Variants in TBX15 observed in about 807,000 individuals in gnomAD.
The protein encoded by TBX15 is T-box transcription factor 15.
In TBX15, 18 loss-of-function variants were observed where a neutral mutation model predicts 53.9. The ratio of observed to expected loss-of-function variants is 0.33; its 90% CI spans 0.23 to 0.49. The LOEUF (loss-of-function observed/expected upper bound fraction) is 0.49, where lower values mean the gene tolerates loss of function less well. Among genes scored for constraint, TBX15 ranks in the 20% least tolerant of loss-of-function variants. The pLI is 0.98. For missense variants in TBX15, 692 were observed against 749.5 expected, an observed-to-expected ratio of 0.92 and a Z score of 0.90; for synonymous variants, 295 against 278.0, an observed-to-expected ratio of 1.06 and a Z score of -0.61.
chr1:118,980,718 A>T (rs1657618391), intron 1 of TBX15, among the ~76,000 whole-genome samples: 1 of 152,224 alleles, frequency 6.6e-6, no homozygotes, highest in Admixed American at 6.5e-5. Flanking sequence ...CCCATCCAAA[A>T]TTAATACAAA....
Position 118,907,913 on chromosome 1 carries a change from A to G in TBX15, c.926+6202T>C, listed in dbSNP as rs527497388. ...GCTAGGTATCTTTCTCCAGGGAGCC[A>G]GAACACACAGACATGCCCCAGCTAC... is the stretch of plus-strand genomic sequence containing the variant. On this transcript the variant is annotated intron_variant, in intron 6 of 7. Transcript: ENST00000369429. Among the ~76,000 whole-genome samples, 8 of 152,304 alleles carry G rather than the reference A, an allele frequency of 5.3e-5. No homozygotes were observed. In the East Asian group the frequency reaches 1.5e-3, roughly 29 times the overall value.
At chr1:118,898,091 T>C (rs1451901670) in intron 7 of TBX15, among the ~76,000 whole-genome samples, 1 of 152,182 alleles carries the variant, frequency 6.6e-6, no homozygotes, top group East Asian at 1.9e-4. Context: ...ATTCTACTTT[T>C]CCAAATAATG....
intron 7 of TBX15, among the ~76,000 whole-genome samples, chr1:118,897,955 A>G (rs1237909939): frequency 2.0e-5 from 3 of 152,212 alleles, no homozygotes; most frequent in Admixed American, 6.5e-5. Flanking sequence ...AAGTGTCTAC[A>G]TACAGGGACA....
chr1:118,985,394 G>T (rs1475312196), intron 1 of TBX15, among the ~76,000 whole-genome samples: 1 of 152,188 alleles, frequency 6.6e-6, no homozygotes. Flanking sequence ...AGCCCTGGTC[G>T]CGCCTTTCGC....
chr1:118,983,075 G>A (rs1657699862), intron 1 of TBX15, among the ~76,000 whole-genome samples: 1 of 152,178 alleles, frequency 6.6e-6, no homozygotes. Context: ...AGGCGGGTGA[G>A]GGGTCGCCCT....
At chr1:118,984,118 G>C (rs1313470364) in intron 1 of TBX15, among the ~76,000 whole-genome samples, 1 of 152,256 alleles carries the variant, frequency 6.6e-6, no homozygotes, top group Non-Finnish European at 1.5e-5. Flanking sequence ...CGCGCTTTCT[G>C]CAAGGGCTTT....
intron 7 of TBX15, among the ~76,000 whole-genome samples, chr1:118,889,777 T>G (rs1654074110): frequency 6.7e-6 from 1 of 149,884 alleles, no homozygotes; most frequent in Non-Finnish European, 1.5e-5. Context: ...TGCTCATAAC[T>G]GTATCTGGCA....
intron 2 of TBX15, among the ~76,000 whole-genome samples, chr1:118,928,275 G>A (rs537640289): frequency 6.6e-6 from 1 of 152,246 alleles, no homozygotes; most frequent in East Asian, 1.9e-4. Context: ...CAAAATTAAT[G>A]CATAACTATT....
Position 118,964,624 on chromosome 1 carries a change from C to T in TBX15, c.205+22967G>A, listed in dbSNP as rs116324853. Among the ~76,000 whole-genome samples, 566 of 152,342 alleles carry T rather than the reference C, an allele frequency of 3.7e-3. 2 individuals are homozygous for T. Among genetic ancestry groups the T allele is most frequent in the African/African-American group, 0.013 (540 of 41,570 alleles). ...GCAGGGACTATTCCTTACTCATCTA[C>T]ATATTGTAAGTGTTCAATAAATAGT... On this transcript the variant is annotated intron_variant, in intron 1 of 7. Transcript: ENST00000369429.
intron 1 of TBX15, among the ~76,000 whole-genome samples, chr1:118,933,613 A>G (rs1298943594): frequency 1.3e-5 from 2 of 152,194 alleles, no homozygotes; most frequent in Non-Finnish European, 2.9e-5. Context: ...TTGCTGAGTG[A>G]CAAATCTATA....
At chr1:118,948,501 C>T (rs1656411750) in intron 1 of TBX15, among the ~76,000 whole-genome samples, 1 of 152,190 alleles carries the variant, frequency 6.6e-6, no homozygotes, top group Admixed American at 6.5e-5. Context: ...CCCAAAGAAA[C>T]CTCAGGTTTT....
chr1:118,903,606 C>A (rs1033846362), intron 6 of TBX15, among the ~76,000 whole-genome samples: 1 of 152,018 alleles, frequency 6.6e-6, no homozygotes, highest in African/African-American at 2.4e-5. Context: ...ACAAAGACAA[C>A]GTATGCTATA....
intron 7 of TBX15, among the ~76,000 whole-genome samples, chr1:118,896,565 T>C (rs1003194470): frequency 2.6e-5 from 4 of 152,138 alleles, no homozygotes; most frequent in African/African-American, 9.7e-5. Flanking sequence ...TGAGGTAATA[T>C]GGACAATTGG....
intron 2 of TBX15, among the ~76,000 whole-genome samples, chr1:118,930,129 ATTTAT>A (rs1655731957): frequency 6.6e-6 from 1 of 152,224 alleles, no homozygotes; most frequent in African/African-American, 2.4e-5. Context: ...AAAATTTCAG[ATTTAT>A]TTTAACTTCA....
chr1:118,895,239 G>A (rs577430624), intron 7 of TBX15, among the ~76,000 whole-genome samples: 3 of 152,250 alleles, frequency 2.0e-5, no homozygotes, highest in Admixed American at 6.5e-5. Context: ...TACTGAACTC[G>A]GTAGTGATGT....
chr1:118,889,869 C>T (rs1234366711), intron 7 of TBX15, among the ~76,000 whole-genome samples: 1 of 152,112 alleles, frequency 6.6e-6, no homozygotes, highest in Admixed American at 6.5e-5. Flanking sequence ...AACTCCTGGG[C>T]TCAAGAAATC....
chr1:118,974,721 A>G (rs1657362883), intron 1 of TBX15, among the ~76,000 whole-genome samples: 1 of 152,166 alleles, frequency 6.6e-6, no homozygotes, highest in South Asian at 2.1e-4. Context: ...AAACAAGGCT[A>G]CTCTAAATAG....
chr1:118,889,930 C>T (rs1654080526), intron 7 of TBX15, among the ~76,000 whole-genome samples: 1 of 152,124 alleles, frequency 6.6e-6, no homozygotes, highest in African/African-American at 2.4e-5. Context: ...GCCACTGCAC[C>T]TAGCCCAGCA....
At chr1:118,978,784 T>C (rs1031822991) in intron 1 of TBX15, among the ~76,000 whole-genome samples, 1 of 152,228 alleles carries the variant, frequency 6.6e-6, no homozygotes, top group African/African-American at 2.4e-5. Flanking sequence ...TTTAATTTTT[T>C]AACTAAATCC....
Sources: allele counts gnomAD v4.1 joint callset (sites outside exome capture counted in the v4.1 genomes callset), GRCh38; gene constraint gnomAD v4.1.1; transcripts MANE v1.5; gene names NCBI Gene and HGNC (gene_info 2026-07-23, HGNC 2026-07-21).